KIAA1671: variants seen among roughly 807,000 people sequenced by gnomAD.
KIAA1671 encodes uncharacterized protein KIAA1671.
Under a neutral mutation model 131.2 loss-of-function variants are expected in KIAA1671, and 52 were observed. The ratio of observed to expected loss-of-function variants is 0.40; its 90% confidence interval spans 0.32 to 0.50. The LOEUF (loss-of-function observed/expected upper bound fraction) is 0.50, where lower values mean the gene tolerates loss of function less well. KIAA1671 is among the 20% of genes least tolerant of loss of function. The pLI, the probability that KIAA1671 is intolerant of heterozygous loss-of-function variation, is 0.73. For synonymous variants in KIAA1671, 1,003 were observed against 961.6 expected, an observed-to-expected ratio of 1.04 and a Z score of -0.80; for missense variants, 2,360 against 2,364.2, an observed-to-expected ratio of 1.00 and a Z score of 0.04.
intron 1 of KIAA1671, among the ~76,000 whole-genome samples, chr22:24,960,787 T>C (rs7288461): frequency 6.6e-6 from 1 of 151,554 alleles, no homozygotes; most frequent in African/African-American, 2.4e-5. Context: ...AGGAAGGGTG[T>C]TTAGAACGTT....
At chr22:24,974,483 G>A (rs1214121696) in intron 1 of KIAA1671, among the ~76,000 whole-genome samples, 1 of 152,042 alleles carries the variant, frequency 6.6e-6, no homozygotes. Flanking sequence ...AGGAGGTGGT[G>A]GAGCTGGGAT....
chr22:25,190,162 C>G (rs956651649), intron 11 of KIAA1671, among the ~76,000 whole-genome samples: 3 of 151,778 alleles, frequency 2.0e-5, no homozygotes, highest in Non-Finnish European at 4.4e-5. Context: ...CAGTGAGAAC[C>G]CTGAGCTTGT....
intron 6 of KIAA1671, among the ~76,000 whole-genome samples, chr22:25,075,381 A>C (rs1183691321): frequency 6.6e-6 from 1 of 152,176 alleles, no homozygotes; most frequent in East Asian, 1.9e-4. Flanking sequence ...CAGTTTTGTC[A>C]CGAATGTTCT....
At chr22:25,115,020 G>A (rs1931582148) in intron 6 of KIAA1671, among the ~76,000 whole-genome samples, 1 of 152,190 alleles carries the variant, frequency 6.6e-6, no homozygotes, top group African/African-American at 2.4e-5. Context: ...ACCCTCAAAG[G>A]CGTGCCCTGA....
chr22:25,131,702 GAC>G (rs1004724840), intron 6 of KIAA1671, among the ~76,000 whole-genome samples: 1 of 152,238 alleles, frequency 6.6e-6, no homozygotes, highest in Non-Finnish European at 1.5e-5. Flanking sequence ...CTGTGGTGGA[GAC>G]AGTTTTCTGT....
chr22:25,041,204 T>C lies in KIAA1671; in HGVS notation c.4074T>C (p.Ser1358=). 6.4e-7 allele frequency: 1 copy of C among 1,551,694 alleles called. No individual in the cohort carries two copies. Among genetic ancestry groups the C allele is most frequent in the East Asian group, 2.4e-5 (1 of 40,910 alleles). The change falls in exon 5 of 13, where the codon AGT becomes AGC. Residue 1358 remains serine, a synonymous_variant. Transcript: ENST00000358431. ...SKPSGREDPG[S]GVRVSPKSPP... The stretch of plus-strand genomic sequence containing the variant: ...CCTCTGGTCGGGAGGATCCAGGCAG[T>C]GGGGTCAGGGTGTCACCCAAATCGC...
intron 6 of KIAA1671, among the ~76,000 whole-genome samples, chr22:25,139,370 G>A (rs1260627738): frequency 6.6e-6 from 1 of 152,204 alleles, no homozygotes; most frequent in African/African-American, 2.4e-5. Flanking sequence ...GGAAGTGGAG[G>A]GAGGCTGTAT....
chr22:25,165,449 A>G (rs1342437395), intron 6 of KIAA1671, among the ~76,000 whole-genome samples: 1 of 152,206 alleles, frequency 6.6e-6, no homozygotes. Flanking sequence ...TAATTATTAT[A>G]CTGTGGAAAG....
chr22:25,041,917 T>C (rs1341181739), intron 5 of KIAA1671, among the ~76,000 whole-genome samples: 1 of 152,132 alleles, frequency 6.6e-6, no homozygotes, highest in Non-Finnish European at 1.5e-5. Context: ...GCTAATTTTT[T>C]ATTTTTTGTA....
At chr22:25,103,236 C>T (rs990297226) in intron 6 of KIAA1671, among the ~76,000 whole-genome samples, 9 of 143,184 alleles carry the variant, frequency 6.3e-5, no homozygotes, top group Non-Finnish European at 1.2e-4. Flanking sequence ...TTGAGAACGG[C>T]GTCTCGCTCT....
At chr22:25,000,951 T>C (rs1602057351) in intron 1 of KIAA1671, among the ~76,000 whole-genome samples, 1 of 152,104 alleles carries the variant, frequency 6.6e-6, no homozygotes, top group East Asian at 1.9e-4. Context: ...CATTGTATTT[T>C]TGTGTTTTCC....
chr22:25,170,000 G>A (rs1469792674), intron 6 of KIAA1671, among the ~76,000 whole-genome samples: 1 of 152,074 alleles, frequency 6.6e-6, no homozygotes, highest in African/African-American at 2.4e-5. Flanking sequence ...TGCAAGCTCC[G>A]CCTCCCGAGT....
In KIAA1671 at chr22:25,049,861, A is replaced by C. The variant is rs748579355; in HGVS notation, c.4530+497A>C. On this transcript the variant is annotated intron_variant, in intron 6 of 12. Coordinates refer to ENST00000358431, the MANE Select transcript of KIAA1671 (RefSeq NM_001145206.2). ...AGTTATGGTGATAACAGGAGGCAGC[A>C]GAAAGCTGGTTCCAGAGCCAGATTG... 2.5e-3 allele frequency: 376 copies of C among 152,828 alleles called. 1 individual carries two copies. Among genetic ancestry groups the C allele is most frequent in the Non-Finnish European group, 3.3e-3 (229 of 68,422 alleles). 9.5% of individuals were successfully genotyped at this position (152,828 alleles called of 1,614,324 possible).
At chr22:24,999,191 G>A (rs1244444166) in intron 1 of KIAA1671, among the ~76,000 whole-genome samples, 1 of 152,168 alleles carries the variant, frequency 6.6e-6, no homozygotes, top group African/African-American at 2.4e-5. Flanking sequence ...TGTGGTAGAT[G>A]CGTAGTAGTA....
intron 6 of KIAA1671, among the ~76,000 whole-genome samples, chr22:25,083,601 C>G (rs1201221719): frequency 2.0e-5 from 3 of 152,244 alleles, no homozygotes; most frequent in Non-Finnish European, 2.9e-5. Context: ...GATCACACAG[C>G]TGGTCAACAG....
In KIAA1671 at chr22:25,039,549, G is replaced by A; in HGVS notation, c.2419G>A (p.Glu807Lys). Residue 807 changes from glutamate (E) to lysine (K), a missense_variant, in exon 5 of 13, where the codon GAG becomes AAG. Physicochemically the swap from Glu to Lys is moderately conservative, Grantham distance 56. This residue lies in a region of KIAA1671 where 1,185 missense variants were observed against 1,126.2 expected (regional missense o/e 1.05). Transcript: ENST00000358431. Reference sequence around the variant, plus strand: ...GATTTGGGAAGCTCGAGGCATGCCTGAGGCTAGTGGACCGAAGTTTGGGGG... The same window carrying A: ...GATTTGGGAAGCTCGAGGCATGCCTAAGGCTAGTGGACCGAAGTTTGGGGG... ...SLIWEARGMP[E>K]ASGPKFGGNC... 6.4e-7 allele frequency: 1 copy of A among 1,551,806 alleles called. No homozygotes were observed. The highest frequency in any genetic ancestry group is 8.7e-7 in the Non-Finnish European group (1 of 1,147,016).
chr22:25,177,824 A>T (rs1934094121), intron 9 of KIAA1671, among the ~76,000 whole-genome samples: 1 of 152,000 alleles, frequency 6.6e-6, no homozygotes, highest in Admixed American at 6.5e-5. Context: ...TCTGAGTCCC[A>T]CAAAAGCCAC....
In KIAA1671 at chr22:25,028,484, AG is replaced by A. The variant is rs1926085199; in HGVS notation, c.490del (p.Ala164ArgfsTer6). On this transcript the variant is annotated frameshift_variant, in exon 3 of 13. Coordinates refer to ENST00000358431, the MANE Select transcript of KIAA1671 (RefSeq NM_001145206.2). LOFTEE classifies it high-confidence loss of function. Reference protein sequence around the residue: ...SGPALGKAVSEGAEEAKLGVS... With the variant: ...SGPALGKAVSXGAEEAKLGVS... ...CCCGCTCTGGGGAAGGCGGTTAGTG[AG>A]GGGGCGGAGGAGGCCAAGCTAGGTG... 1.9e-6 allele frequency: 3 copies of A among 1,549,544 alleles called. No individual in the cohort carries two copies. Among genetic ancestry groups the A allele is most frequent in the Non-Finnish European group, 2.6e-6 (3 of 1,146,152 alleles).
chr22:25,001,446 G>A (rs1924476760), intron 1 of KIAA1671, among the ~76,000 whole-genome samples: 3 of 152,114 alleles, frequency 2.0e-5, no homozygotes, highest in Admixed American at 1.3e-4. Context: ...TTTATGTAGG[G>A]GATGAAATGT....
Sources: allele counts gnomAD v4.1 joint callset (sites outside exome capture counted in the v4.1 genomes callset), GRCh38; gene constraint gnomAD v4.1.1; regional missense constraint gnomAD v4.1.1; transcripts MANE v1.5; gene names NCBI Gene and HGNC (gene_info 2026-07-23, HGNC 2026-07-21).